MAP3K5: variants seen among roughly 807,000 people sequenced by gnomAD.
MAP3K5 encodes ASK-1.
MAP3K5 carries 56 observed loss-of-function variants against 158.7 expected under a neutral mutation model. The ratio of observed to expected loss-of-function variants is 0.35; its 90% confidence interval spans 0.28 to 0.44. The LOEUF is 0.44. Ranked by LOEUF, MAP3K5 falls within the 20% of genes least tolerant of loss-of-function variation. The pLI, the probability that MAP3K5 is intolerant of heterozygous loss-of-function variation, is 1.00. For synonymous variants in MAP3K5, 579 were observed against 601.7 expected, an observed-to-expected ratio of 0.96 and a Z score of 0.55; for missense variants, 1,294 against 1,674.8, an observed-to-expected ratio of 0.77 and a Z score of 3.97.
intron 8 of MAP3K5, among the ~76,000 whole-genome samples, chr6:136,667,787 G>C (rs1182630577): frequency 3.3e-5 from 5 of 151,678 alleles, no homozygotes; most frequent in Admixed American, 2.0e-4. Context: ...GGGGGTCGAG[G>C]CTGCAGTGAG....
intron 7 of MAP3K5, among the ~76,000 whole-genome samples, chr6:136,679,431 T>C (rs1779840597): frequency 6.6e-6 from 1 of 152,172 alleles, no homozygotes; most frequent in Non-Finnish European, 1.5e-5. Flanking sequence ...AATTAGAATT[T>C]CATGTTTTTT....
intron 1 of MAP3K5, among the ~76,000 whole-genome samples, chr6:136,761,043 T>C (rs1412468759): frequency 6.6e-6 from 1 of 151,906 alleles, no homozygotes; most frequent in Non-Finnish European, 1.5e-5. Flanking sequence ...TTTTGCCCCA[T>C]GCGATAACAG....
intron 10 of MAP3K5, among the ~76,000 whole-genome samples, chr6:136,655,155 C>T (rs75009241): frequency 0.037 from 5,602 of 152,152 alleles, 375 homozygotes; most frequent in African/African-American, 0.13. Context: ...CTCAAAGTGA[C>T]GAATTTGAAT....
chr6:136,739,533 C>T (rs1243274536), intron 1 of MAP3K5, among the ~76,000 whole-genome samples: 1 of 152,156 alleles, frequency 6.6e-6, no homozygotes. Context: ...TTTTCTCATA[C>T]TTTTCCTATT....
intron 7 of MAP3K5, among the ~76,000 whole-genome samples, chr6:136,679,397 T>G (rs1779839242): frequency 1.3e-5 from 2 of 152,208 alleles, no homozygotes; most frequent in African/African-American, 4.8e-5. Flanking sequence ...TTGTGATTCT[T>G]TCTATGAGAC....
chr6:136,645,280 T>TTGGCAGGGAGTTTG (rs1778198372), intron 11 of MAP3K5, among the ~76,000 whole-genome samples: 1 of 152,152 alleles, frequency 6.6e-6, no homozygotes, highest in African/African-American at 2.4e-5. Context: ...TAAGCTGCTT[T>TTGGCAGGGAGTTTG]TGGCAGGGAG....
chr6:136,640,084 T>A (rs763591772), intron 12 of MAP3K5, among the ~76,000 whole-genome samples: 1 of 152,220 alleles, frequency 6.6e-6, no homozygotes, highest in Non-Finnish European at 1.5e-5. Context: ...TCATTCATTA[T>A]AGAGATTTTA....
At chr6:136,720,942 G>C (rs1781721954) in intron 1 of MAP3K5, among the ~76,000 whole-genome samples, 1 of 152,080 alleles carries the variant, frequency 6.6e-6, no homozygotes, top group Admixed American at 6.5e-5. Flanking sequence ...ATCACGCCCA[G>C]CTAATTAAAA....
In MAP3K5 at chr6:136,557,479, C is replaced by T; in HGVS notation, c.*279G>A. The T allele has an allele frequency of 3.4e-6, 1 of 290,542 alleles. No individual in the cohort carries two copies. The highest frequency in any genetic ancestry group is 6.4e-6 in the Non-Finnish European group (1 of 156,592). 18.0% of individuals were successfully genotyped at this position (290,542 alleles called of 1,614,324 possible). On this transcript the variant is annotated 3_prime_UTR_variant, in exon 30 of 30. Transcript: ENST00000359015. ...ATAGCTGCTGCATTAAAAATATTTC[C>T]ATAAAAATGCTTAGATTAAAATCTT...
At position 136,720,444 on chromosome 6, in the gene MAP3K5, A is replaced by C; in HGVS notation, c.588+6T>G. 6.3e-7 allele frequency: 1 copy of C among 1,585,220 alleles called. No homozygotes were observed. Among genetic ancestry groups the C allele is most frequent in the Non-Finnish European group, 8.6e-7 (1 of 1,167,678 alleles). On this transcript the variant is annotated splice_donor_region_variant and intron_variant, in intron 2 of 29. Transcript: ENST00000359015. ...AAATGAAACATTCAGTAAACAAGGG[A>C]GGTACCTTCAGTGACTGCAGAGAGT... is the stretch of plus-strand genomic sequence containing the variant.
intron 1 of MAP3K5, among the ~76,000 whole-genome samples, chr6:136,783,810 T>C (rs1784722503): frequency 1.3e-5 from 2 of 152,176 alleles, no homozygotes; most frequent in South Asian, 2.1e-4. Flanking sequence ...GGAGTGGTGT[T>C]TGAAGGGACC....
intron 1 of MAP3K5, among the ~76,000 whole-genome samples, chr6:136,729,476 C>A (rs1390748458): frequency 6.6e-6 from 1 of 152,150 alleles, no homozygotes; most frequent in Non-Finnish European, 1.5e-5. Context: ...CACATAGAGC[C>A]GGGACAAGAA....
At chr6:136,581,475 G>A (rs1412561879) in intron 24 of MAP3K5, among the ~76,000 whole-genome samples, 1 of 152,176 alleles carries the variant, frequency 6.6e-6, no homozygotes, top group East Asian at 1.9e-4. Flanking sequence ...ACAGGGCTCT[G>A]GTTAGATACC....
intron 29 of MAP3K5, among the ~76,000 whole-genome samples, chr6:136,558,259 G>A (rs1830341342): frequency 6.6e-6 from 1 of 151,974 alleles, no homozygotes; most frequent in African/African-American, 2.4e-5. Context: ...GGCGCCTATA[G>A]TCCCAGCTAC....
At chr6:136,684,143 A>G (rs751303780) in intron 7 of MAP3K5, among the ~76,000 whole-genome samples, 5 of 151,968 alleles carry the variant, frequency 3.3e-5, no homozygotes, top group Non-Finnish European at 7.4e-5. Flanking sequence ...AAGTGGGAGG[A>G]TCACTTGAGC....
chr6:136,564,794 A>C (rs1033019138), intron 26 of MAP3K5, among the ~76,000 whole-genome samples: 1 of 152,198 alleles, frequency 6.6e-6, no homozygotes, highest in African/African-American at 2.4e-5. Flanking sequence ...ACAAGATTGA[A>C]AACCTAACTT....
intron 9 of MAP3K5, among the ~76,000 whole-genome samples, chr6:136,657,063 T>TA: frequency 1.3e-5 from 2 of 152,338 alleles, no homozygotes; most frequent in East Asian, 3.9e-4. Context: ...AAACTTGAAC[T>TA]TTAAAATGTG....
chr6:136,641,437 A>G (rs1198182006), intron 12 of MAP3K5, among the ~76,000 whole-genome samples: 1 of 152,234 alleles, frequency 6.6e-6, no homozygotes, highest in African/African-American at 2.4e-5. Flanking sequence ...GAAATCTGCA[A>G]GAGTTGATTT....
intron 12 of MAP3K5, among the ~76,000 whole-genome samples, chr6:136,640,088 G>C (rs1647195483): frequency 6.6e-6 from 1 of 152,236 alleles, no homozygotes; most frequent in Non-Finnish European, 1.5e-5. Context: ...TCATTATAGA[G>C]ATTTTAGAGG....
Sources: allele counts gnomAD v4.1 joint callset (sites outside exome capture counted in the v4.1 genomes callset), GRCh38; gene constraint gnomAD v4.1.1; transcripts MANE v1.5; gene names NCBI Gene and HGNC (gene_info 2026-07-23, HGNC 2026-07-21).